The following MARK4 variants were observed in gnomAD, a reference collection of about 807,000 sequenced individuals.
MARK4 encodes MAP/microtubule affinity-regulating kinase 4.
MARK4 carries 19 observed loss-of-function variants against 81.5 expected under a neutral mutation model. The observed-to-expected ratio is 0.23, with a 90% CI of 0.16 to 0.34. The LOEUF (loss-of-function observed/expected upper bound fraction) is 0.34. MARK4 is among the 10% of genes least tolerant of loss of function. The pLI is 1.00. For missense variants in MARK4, 772 were observed against 1,058.8 expected, an observed-to-expected ratio of 0.73 and a Z score of 3.76; for synonymous variants, 436 against 439.0, an observed-to-expected ratio of 0.99 and a Z score of 0.08.
chr19:45,301,486 A>G (rs918477680), intron 16 of MARK4, among the ~76,000 whole-genome samples: 5 of 146,156 alleles, frequency 3.4e-5, no homozygotes, highest in Non-Finnish European at 6.0e-5. Flanking sequence ...GAACCCGGGA[A>G]GCAGAGGTTG....
chr19:45,280,257 G>A (rs558576746), intron 10 of MARK4, 117 bp from the exon 11 acceptor site: 691 of 854,840 alleles, frequency 8.1e-4, no homozygotes, highest in Non-Finnish European at 8.5e-4. Flanking sequence ...AGCTGTGACC[G>A]TGCCACTGCA....
At chr19:45,273,548 C>T (rs1022732407) in intron 8 of MARK4, among the ~76,000 whole-genome samples, 3 of 152,164 alleles carry the variant, frequency 2.0e-5, no homozygotes, top group African/African-American at 4.8e-5. Flanking sequence ...CGGGTCCCTG[C>T]GTTGCATTTA....
intron 8 of MARK4, among the ~76,000 whole-genome samples, chr19:45,276,850 G>T (rs1970604515): frequency 6.6e-6 from 1 of 151,012 alleles, no homozygotes; most frequent in Non-Finnish European, 1.5e-5. Context: ...GGCCTGGCTG[G>T]TTTCGATCTC....
At chr19:45,294,122 C>T (rs958987115) in intron 13 of MARK4, among the ~76,000 whole-genome samples, 3 of 152,042 alleles carry the variant, frequency 2.0e-5, no homozygotes, top group Non-Finnish European at 4.4e-5. Context: ...CCCTCAGTGC[C>T]CCCCTCTTCT....
intron 16 of MARK4, among the ~76,000 whole-genome samples, chr19:45,300,713 G>A (rs991506778): frequency 2.6e-5 from 4 of 152,112 alleles, no homozygotes; most frequent in Non-Finnish European, 4.4e-5. Flanking sequence ...AGTGGAAACC[G>A]GAGCCTTCCC....
At chr19:45,299,954 C>A in intron 16 of MARK4, 99 bp downstream of exon 16, 1 of 1,127,450 alleles carries the variant, frequency 8.9e-7, no homozygotes, top group Non-Finnish European at 1.2e-6. Flanking sequence ...CCAGTCTCAT[C>A]CTGCAAGGCC....
At chr19:45,295,827 T>C (rs1970880280) in intron 14 of MARK4, among the ~76,000 whole-genome samples, 2 of 152,100 alleles carry the variant, frequency 1.3e-5, no homozygotes, top group South Asian at 4.1e-4. Flanking sequence ...ATTATAGAGA[T>C]GCAGTAGAGA....
chr19:45,274,076 C>T (rs193015147), intron 8 of MARK4, among the ~76,000 whole-genome samples: 72 of 151,824 alleles, frequency 4.7e-4, no homozygotes, highest in African/African-American at 1.5e-3. Flanking sequence ...ACTGAAACCC[C>T]GTCTCTTCTA....
chr19:45,259,421 C>G (rs1390161121), intron 2 of MARK4, among the ~76,000 whole-genome samples: 1 of 152,166 alleles, frequency 6.6e-6, no homozygotes, highest in Non-Finnish European at 1.5e-5. Context: ...AGATCACAGG[C>G]AGTCCAATGT....
intron 8 of MARK4, among the ~76,000 whole-genome samples, chr19:45,276,988 G>T (rs982825091): frequency 6.6e-6 from 1 of 151,846 alleles, no homozygotes; most frequent in Non-Finnish European, 1.5e-5. Flanking sequence ...ATGTGAAGTG[G>T]GTCCTGTAAT....
At chr19:45,293,320 G>A (rs1970842882) in intron 13 of MARK4, among the ~76,000 whole-genome samples, 2 of 151,898 alleles carry the variant, frequency 1.3e-5, no homozygotes, top group Admixed American at 1.3e-4. Context: ...AATCAATTAA[G>A]GAAAAAAGAC....
At chr19:45,259,520 G>T (rs1226933120) in intron 2 of MARK4, among the ~76,000 whole-genome samples, 2 of 152,182 alleles carry the variant, frequency 1.3e-5, no homozygotes, top group African/African-American at 4.8e-5. Context: ...CCAGCACTTT[G>T]AAAGGCCAAG....
intron 1 of MARK4, among the ~76,000 whole-genome samples, chr19:45,256,100 A>G (rs1176606073): frequency 6.6e-6 from 1 of 152,192 alleles, no homozygotes; most frequent in Non-Finnish European, 1.5e-5. Flanking sequence ...TTCCCATGGA[A>G]GGAGGATAAC....
At chr19:45,295,271 A>G (rs1645672638) in intron 14 of MARK4, among the ~76,000 whole-genome samples, 1 of 151,998 alleles carries the variant, frequency 6.6e-6, no homozygotes, top group Admixed American at 6.6e-5. Context: ...AGGCAGGACA[A>G]TGGCGTGAAC....
chr19:45,283,960 T>TC (rs1344676172), intron 12 of MARK4, among the ~76,000 whole-genome samples: 1 of 152,184 alleles, frequency 6.6e-6, no homozygotes, highest in Non-Finnish European at 1.5e-5. Context: ...ATCTTTTTTT[T>TC]CTCTGTCTTA....
chr19:45,273,865 G>T (rs1310635266), intron 8 of MARK4, among the ~76,000 whole-genome samples: 2 of 152,240 alleles, frequency 1.3e-5, no homozygotes, highest in Admixed American at 1.3e-4. Context: ...TGATGAAGAG[G>T]AGGGAGTCCC....
chr19:45,260,371 A>G (rs1233854097), intron 2 of MARK4, among the ~76,000 whole-genome samples: 1 of 148,388 alleles, frequency 6.7e-6, no homozygotes, highest in Admixed American at 6.8e-5. Flanking sequence ...CCTGGGCAAC[A>G]AGACCGAGAC....
At chr19:45,286,666 TCA>T (rs1039410709) in intron 12 of MARK4, among the ~76,000 whole-genome samples, 15 of 151,714 alleles carry the variant, frequency 9.9e-5, no homozygotes, top group Admixed American at 9.2e-4. Context: ...CAAGCTGAGG[TCA>T]CACCACTGTA....
rs1970989664 is a variant in MARK4 at position 45,302,485 on chromosome 19, C to A, written c.2034C>A (p.Arg678=). The A allele has an allele frequency of 6.2e-7, 1 of 1,610,608 alleles. No individual in the cohort carries two copies. The change falls in exon 17 of 17, where the codon CGC becomes CGA. Residue 678 remains arginine (R), a synonymous_variant. Coordinates refer to ENST00000262891, the MANE Select transcript of MARK4 (RefSeq NM_001199867.2). The surrounding 1 kb of genome is among the most constrained non-coding windows in gnomAD (Gnocchi z 4.9). ...RPPEALMAAL[R]QATAAARCRC... The stretch of plus-strand genomic sequence containing the variant: ...CTGAGGCCCTGATGGCAGCTCTGCG[C>A]CAGGCCACAGCAGCCGCCCGCTGCC...
Sources: allele counts gnomAD v4.1 joint callset (sites outside exome capture counted in the v4.1 genomes callset), GRCh38; gene constraint gnomAD v4.1.1; non-coding constraint Gnocchi (gnomAD v3.1); transcripts MANE v1.5; gene names NCBI Gene and HGNC (gene_info 2026-07-23, HGNC 2026-07-21).